KCNT1: variants seen among roughly 807,000 people sequenced by gnomAD.
The protein encoded by KCNT1 is potassium channel subfamily T member 1.
KCNT1 carries 78 observed loss-of-function variants against 147.8 expected under a neutral mutation model. The observed-to-expected ratio is 0.53, with a 90% confidence interval of 0.44 to 0.64. The LOEUF (loss-of-function observed/expected upper bound fraction) is 0.64. Ranked by LOEUF, KCNT1 falls within the 30% of genes least tolerant of loss-of-function variation. The pLI is 0.00. For missense variants in KCNT1, 1,419 were observed against 1,750.3 expected (o/e 0.81, Z 3.38); for synonymous variants, 867 against 748.8 (o/e 1.16, Z -2.58).
In KCNT1 at chr9:135,702,311, G is replaced by T. The variant is rs753714293; in HGVS notation, c.53G>T (p.Arg18Leu). 2.5e-5 allele frequency: 41 copies of T among 1,610,530 alleles called. No homozygotes were observed. The highest frequency in any genetic ancestry group is 3.4e-5 in the Non-Finnish European group (40 of 1,178,858). Residue 18 changes from arginine (R) to leucine (L), a missense_variant, in exon 1 of 31, where the codon CGC (arginine) becomes CTC (leucine). Arg to Leu is a moderately radical substitution (Grantham distance 102). Around this residue, in one of 5 missense-constraint regions of KCNT1, gnomAD observed 181 missense variants for 155.7 expected, o/e 1.16. Transcript: ENST00000371757. ...RTPGGVCREARGGGYTNRTFE... is the reference protein window; with the variant it reads ...RTPGGVCREALGGGYTNRTFE... ...CCGGGGGGCGTCTGCCGGGAGGCGC[G>T]CGGCGGGGGCTACACCAACCGGACC...
chr9:135,770,271 C>T (rs1335232264), intron 16 of KCNT1, 27 bp from the exon 17 acceptor site: 3 of 1,563,990 alleles, frequency 1.9e-6, no homozygotes, highest in South Asian at 1.2e-5. Flanking sequence ...GAGGGTGACG[C>T]TCCCCTGGCC....
At chr9:135,754,979 G>A (rs1831388920) in intron 5 of KCNT1, 142 bp from the exon 6 acceptor site, 3 of 638,234 alleles carry the variant, frequency 4.7e-6, no homozygotes, top group Non-Finnish European at 7.5e-6. Context: ...CCAAAGGCAA[G>A]GTAGGCTCCT....
chr9:135,708,358 A>G (rs993013088), intron 1 of KCNT1, among the ~76,000 whole-genome samples: 1 of 152,216 alleles, frequency 6.6e-6, no homozygotes, highest in African/African-American at 2.4e-5. Flanking sequence ...TCTGCATGCA[A>G]ATACATGCTC....
intron 1 of KCNT1, among the ~76,000 whole-genome samples, chr9:135,708,280 A>G (rs556150276): frequency 1.3e-5 from 2 of 152,368 alleles, no homozygotes; most frequent in South Asian, 2.1e-4. Context: ...ATGTATGCAT[A>G]CATGCACATT....
chr9:135,776,777 A>G lies in KCNT1; in HGVS notation c.2350-561A>G, dbSNP rs140867800. On this transcript the variant is annotated intron_variant, in intron 20 of 30. Coordinates refer to ENST00000371757, the MANE Select transcript of KCNT1 (RefSeq NM_020822.3). ...TCTGATGCTCGGACCCCCTCAGTTC[A>G]CTGGGTGGGGTGGGGGCCTTCAAGC... Among the ~76,000 whole-genome samples, 962 of 152,268 alleles carry G rather than the reference A, an allele frequency of 6.3e-3. 11 individuals carry two copies. Among genetic ancestry groups the G allele is most frequent in the African/African-American group, 0.022 (931 of 41,554 alleles).
chr9:135,746,185 G>A (rs1830825217), intron 2 of KCNT1, among the ~76,000 whole-genome samples: 1 of 152,216 alleles, frequency 6.6e-6, no homozygotes, highest in African/African-American at 2.4e-5. Context: ...AATGTCTCTG[G>A]CATCGCAGGC....
At position 135,784,574 on chromosome 9, in the gene KCNT1, C is replaced by T; in HGVS notation, c.2983C>T (p.Leu995=). ...CTACATGATCACCATCACCCGGCTG[C>T]TGCTGGGCCTGGACACCACGCCGGG... ...KDYMITITRL[L]LGLDTTPGSG... is the part of the protein sequence containing the mutation. The change falls in exon 26 of 31, where the codon CTG becomes TTG. Residue 995 remains leucine, a synonymous_variant. Transcript: ENST00000371757. 6.5e-7 allele frequency: 1 copy of T among 1,536,546 alleles called. No individual in the cohort carries two copies.
intron 5 of KCNT1, among the ~76,000 whole-genome samples, chr9:135,754,899 T>G (rs1375798942): frequency 6.6e-6 from 1 of 152,178 alleles, no homozygotes; most frequent in African/African-American, 2.4e-5. Context: ...CTGGGGGGCC[T>G]GCCTGCTGCA....
chr9:135,749,363 G>T (rs1831020621), intron 2 of KCNT1, among the ~76,000 whole-genome samples: 1 of 152,218 alleles, frequency 6.6e-6, no homozygotes, highest in Admixed American at 6.5e-5. Flanking sequence ...CTCTTCTCAG[G>T]ACCGCCGGGG....
At chr9:135,785,558 T>G (rs1588405195) in intron 28 of KCNT1, 5 of 649,318 alleles carry the variant, frequency 7.7e-6, no homozygotes, top group Non-Finnish European at 1.4e-5. Flanking sequence ...CTGGGGGGAG[T>G]AGCCTGTGAG....
intron 13 of KCNT1, 30 bp downstream of exon 13, chr9:135,765,790 T>C (rs1382137595): frequency 8.0e-7 from 1 of 1,247,592 alleles, no homozygotes; most frequent in South Asian, 1.3e-5. Flanking sequence ...GGGGGTGGCA[T>C]GGGGGCACCT....
chr9:135,746,698 G>A (rs1452977569), intron 2 of KCNT1, among the ~76,000 whole-genome samples: 1 of 152,214 alleles, frequency 6.6e-6, no homozygotes, highest in Admixed American at 6.5e-5. Context: ...GCCTATGACC[G>A]ATGGAGGGTT....
At chr9:135,704,727 C>T (rs1835177067) in intron 1 of KCNT1, among the ~76,000 whole-genome samples, 1 of 152,208 alleles carries the variant, frequency 6.6e-6, no homozygotes, top group Non-Finnish European at 1.5e-5. Flanking sequence ...TGGGATCAGG[C>T]CCTGGCATCC....
At chr9:135,716,572 C>T (rs905513944) in intron 2 of KCNT1, among the ~76,000 whole-genome samples, 1 of 152,182 alleles carries the variant, frequency 6.6e-6, no homozygotes, top group Non-Finnish European at 1.5e-5. Flanking sequence ...AAGGAATCTC[C>T]TTAACCACTG....
At chr9:135,709,618 G>T (rs971459459) in intron 1 of KCNT1, among the ~76,000 whole-genome samples, 1 of 152,150 alleles carries the variant, frequency 6.6e-6, no homozygotes, top group African/African-American at 2.4e-5. Context: ...TTAGCTAGGT[G>T]GCTTGTCTTT....
rs1469692537 is a variant in KCNT1, at chr9:135,770,132, G to A, written c.1619+77G>A. 2.1e-6 allele frequency: 3 copies of A among 1,407,768 alleles called. No individual in the cohort carries two copies. In the Admixed American group the frequency reaches 6.1e-5, roughly 29 times the overall value. The allele number at this position is 1,407,768 out of a possible 1,614,324, so 87.2% of individuals were successfully genotyped here. A position where few individuals can be genotyped will look rare whatever the true frequency, so the allele number is the denominator to read the frequency against. On this transcript the variant is annotated intron_variant, in intron 16 of 30. Transcript: ENST00000371757. ...GGAGACAACGCAGGGCCTGCTTGGG[G>A]GCGGGGATGGGCTTCCCAGAGGAGG...
intron 2 of KCNT1, among the ~76,000 whole-genome samples, chr9:135,742,540 A>G (rs998437329): frequency 1.3e-5 from 2 of 152,152 alleles, no homozygotes; most frequent in Admixed American, 6.5e-5. Flanking sequence ...GTGCCCCCAC[A>G]TGGCTCTGCA....
rs1836398346 is a variant in KCNT1 at position 135,730,832 on chromosome 9, A to G, written c.254+16112A>G. On this transcript the variant is annotated intron_variant, in intron 2 of 30. Coordinates refer to ENST00000371757, the MANE Select transcript of KCNT1 (RefSeq NM_020822.3). This position sits in a 1 kb window ranked among gnomAD's most constrained non-coding sequence, Gnocchi z 4.7. ...AAAACCCTGTCTCTACAAAAAATAC[A>G]AAACTTAGCCGAGCATGGTGGTGCA... is the stretch of plus-strand genomic sequence containing the variant. Among the ~76,000 whole-genome samples the G allele has an allele frequency of 6.6e-6, 1 of 151,926 alleles. No homozygotes were observed. The highest frequency in any genetic ancestry group is 6.6e-5 in the Admixed American group (1 of 15,254).
intron 13 of KCNT1, chr9:135,766,630 G>GGACCCTCTGGGGTGGATTGTCTGGGGTA: frequency 6.5e-6 from 1 of 153,004 alleles, no homozygotes; most frequent in Non-Finnish European, 1.5e-5. Flanking sequence ...TGTCTGGGGT[G>GGACCCTCTGGGGTGGATTGTCTGGGGTA]GACCCTCTGG....
Sources: allele counts gnomAD v4.1 joint callset (sites outside exome capture counted in the v4.1 genomes callset), GRCh38; gene constraint gnomAD v4.1.1; regional missense constraint gnomAD v4.1.1; non-coding constraint Gnocchi (gnomAD v3.1); transcripts MANE v1.5; gene names NCBI Gene and HGNC (gene_info 2026-07-23, HGNC 2026-07-21).